The following ANK3 variants were observed in gnomAD, a reference collection of about 807,000 sequenced individuals.
The protein encoded by ANK3 is ankyrin 3.
ANK3 carries 57 observed loss-of-function variants against 370.9 expected under a neutral mutation model. The observed-to-expected ratio is 0.15, with a 90% confidence interval of 0.12 to 0.19. The LOEUF (loss-of-function observed/expected upper bound fraction) is 0.19. Ranked by LOEUF, ANK3 falls within the 10% of genes least tolerant of loss-of-function variation. ANK3 has a pLI of 1.00. For synonymous variants in ANK3, 1,929 were observed against 1,946.3 expected, an observed-to-expected ratio of 0.99 and a Z score of 0.23; for missense variants, 4,439 against 5,302.1, an observed-to-expected ratio of 0.84 and a Z score of 5.06.
chr10:60,677,324 T>C (rs951265002), intron 1 of ANK3, among the ~76,000 whole-genome samples: 1 of 152,216 alleles, frequency 6.6e-6, no homozygotes, highest in Non-Finnish European at 1.5e-5. Flanking sequence ...GAAAAAGAAC[T>C]ATATGTATTT....
intron 1 of ANK3, among the ~76,000 whole-genome samples, chr10:60,679,405 C>G (rs1312383849): frequency 6.6e-6 from 1 of 152,052 alleles, no homozygotes; most frequent in Non-Finnish European, 1.5e-5. Flanking sequence ...GGCAATCTCC[C>G]AATAGATAGA....
At position 60,114,857 on chromosome 10, in the gene ANK3, AG is replaced by A. The variant is rs375449077; in HGVS notation, c.2842-527del. ...ACTAAAAGAACTACCAAACTCTGGG[AG>A]GGTGAACATCTTCAGGAGTTGAGTT... On this transcript the variant is annotated intron_variant, in intron 25 of 43. Transcript: ENST00000280772. 1.7e-3 allele frequency among the ~76,000 whole-genome samples: 262 copies of A among 152,316 alleles called. 1 individual carries two copies. The highest frequency in any genetic ancestry group is 2.6e-3 in the Non-Finnish European group (180 of 68,020).
At chr10:60,509,051 T>C (rs2076012171) in intron 2 of ANK3, among the ~76,000 whole-genome samples, 1 of 152,116 alleles carries the variant, frequency 6.6e-6, no homozygotes, top group African/African-American at 2.4e-5. Flanking sequence ...AGTTTGCCAA[T>C]GTAGTTCTAG....
chr10:60,140,911 A>G, intron 23 of ANK3: 8 of 985,898 alleles, frequency 8.1e-6, no homozygotes, highest in Non-Finnish European at 9.6e-6. Flanking sequence ...ATGAATGAAG[A>G]AACAGCCAAC....
chr10:60,563,348 C>T (rs1365468342), intron 2 of ANK3, among the ~76,000 whole-genome samples: 1 of 152,170 alleles, frequency 6.6e-6, no homozygotes, highest in East Asian at 1.9e-4. Flanking sequence ...TTTCCTCTCA[C>T]CCCAAGCTAA....
intron 1 of ANK3, among the ~76,000 whole-genome samples, chr10:60,710,532 A>T (rs1452349333): frequency 1.3e-5 from 2 of 151,894 alleles, no homozygotes; most frequent in Admixed American, 1.3e-4. Flanking sequence ...CTTTTTCTTA[A>T]TTTTTTCAAT....
chr10:60,623,697 A>G (rs2078369803), intron 1 of ANK3, among the ~76,000 whole-genome samples: 1 of 152,224 alleles, frequency 6.6e-6, no homozygotes, highest in Non-Finnish European at 1.5e-5. Context: ...AGGGAAGTAG[A>G]TGAAGGACCT....
intron 2 of ANK3, among the ~76,000 whole-genome samples, chr10:60,606,602 T>C (rs1388031880): frequency 6.6e-6 from 1 of 152,158 alleles, no homozygotes; most frequent in Admixed American, 6.6e-5. Flanking sequence ...CTGTAAGCCT[T>C]TGTTTGGCCA....
chr10:60,088,159 T>C lies in ANK3; in HGVS notation c.3528A>G (p.Arg1176=). Residue 1176 remains arginine (R), a synonymous_variant, in exon 29 of 44, where the codon CGA becomes CGG. Coordinates refer to ENST00000280772, the MANE Select transcript of ANK3 (RefSeq NM_020987.5). ...FPEGALTKRI[R]VGLQAQPVPD... is the part of the protein sequence containing the mutation. The stretch of plus-strand genomic sequence containing the variant: ...TTGTGAACATTACCTGGAGGCCCAC[T>C]CGAATTCTTTTAGTTAGGGCACCCT... The C allele has an allele frequency of 6.2e-7, 1 of 1,614,120 alleles. No homozygotes were observed. The highest frequency in any genetic ancestry group is 1.3e-5 in the African/African-American group (1 of 75,050).
intron 2 of ANK3, among the ~76,000 whole-genome samples, chr10:60,554,603 T>C (rs1209803682): frequency 6.6e-6 from 1 of 152,172 alleles, no homozygotes; most frequent in African/African-American, 2.4e-5. Context: ...AAAACCACTA[T>C]GAATTTCATT....
intron 30 of ANK3, among the ~76,000 whole-genome samples, chr10:60,085,776 C>T (rs1364029586): frequency 6.6e-6 from 1 of 152,080 alleles, no homozygotes; most frequent in African/African-American, 2.4e-5. Context: ...CGACCACGCC[C>T]AGCTAAGTTT....
chr10:60,589,208 T>C (rs2077876282), intron 2 of ANK3, among the ~76,000 whole-genome samples: 2 of 152,182 alleles, frequency 1.3e-5, no homozygotes, highest in Admixed American at 1.3e-4. Flanking sequence ...TAAATGGGGA[T>C]AGAGTTACAA....
chr10:60,493,103 A>G (rs1223688161), intron 2 of ANK3, among the ~76,000 whole-genome samples: 1 of 151,566 alleles, frequency 6.6e-6, no homozygotes, highest in Non-Finnish European at 1.5e-5. Flanking sequence ...AAAAAAGAAA[A>G]GAAAAGCTGA....
chr10:60,482,059 G>A (rs2075233925), intron 2 of ANK3, among the ~76,000 whole-genome samples: 1 of 152,134 alleles, frequency 6.6e-6, no homozygotes, highest in Non-Finnish European at 1.5e-5. Context: ...CTGTTCTTCA[G>A]TTCTCATATT....
chr10:60,198,236 G>A (rs2096617929), intron 14 of ANK3, 104 bp downstream of exon 14: 3 of 1,151,224 alleles, frequency 2.6e-6, no homozygotes, highest in Non-Finnish European at 3.8e-6. Context: ...GGGATCGCAA[G>A]AATAGATGCT....
At chr10:60,598,789 A>T (rs529738741) in intron 2 of ANK3, among the ~76,000 whole-genome samples, 46 of 152,350 alleles carry the variant, frequency 3.0e-4, no homozygotes, top group Admixed American at 2.7e-3. Flanking sequence ...CATAGTGAAC[A>T]TTACATCAGA....
intron 1 of ANK3, among the ~76,000 whole-genome samples, chr10:60,676,002 T>A (rs189216624): frequency 2.6e-5 from 4 of 152,258 alleles, no homozygotes; most frequent in Admixed American, 1.3e-4. Context: ...CATTTATATA[T>A]CTAAACACAG....
rs114827392 is a variant in ANK3, at chr10:60,318,242, T to C, written c.115-38603A>G. Reference sequence around the variant, plus strand: ...GGCATGCATTAGCTATTTATCCTGATACTAGCTCATATGTTTAAATAATAG... The same window carrying C: ...GGCATGCATTAGCTATTTATCCTGACACTAGCTCATATGTTTAAATAATAG... On this transcript the variant is annotated intron_variant, in intron 1 of 43. Transcript: ENST00000280772. Among the ~76,000 whole-genome samples, 912 of 152,318 alleles carry C rather than the reference T, an allele frequency of 6.0e-3. 10 individuals carry two copies. Among genetic ancestry groups the C allele is most frequent in the African/African-American group, 0.021 (878 of 41,570 alleles).
chr10:60,623,871 T>C (rs2078372772), intron 1 of ANK3, among the ~76,000 whole-genome samples: 2 of 152,162 alleles, frequency 1.3e-5, no homozygotes, highest in Non-Finnish European at 2.9e-5. Context: ...ATGTGATTTA[T>C]ATATGGTAGG....
Sources: allele counts gnomAD v4.1 joint callset (sites outside exome capture counted in the v4.1 genomes callset), GRCh38; gene constraint gnomAD v4.1.1; transcripts MANE v1.5; gene names NCBI Gene and HGNC (gene_info 2026-07-23, HGNC 2026-07-21).